BMPR1A: variants seen among roughly 807,000 people sequenced by gnomAD.
BMPR1A encodes the protein bone morphogenetic protein receptor type-1A.
BMPR1A carries 7 observed loss-of-function variants against 66.0 expected under a neutral mutation model. That is an observed-to-expected ratio of 0.11 (90% CI 0.06 to 0.20). The LOEUF (loss-of-function observed/expected upper bound fraction) is 0.20. Among genes scored for constraint, BMPR1A ranks in the 10% least tolerant of loss-of-function variants. The pLI, the probability that BMPR1A is intolerant of heterozygous loss-of-function variation, is 1.00. For missense variants in BMPR1A, 408 were observed against 669.1 expected, an observed-to-expected ratio of 0.61 and a Z score of 4.31; for synonymous variants, 200 against 229.7, an observed-to-expected ratio of 0.87 and a Z score of 1.17.
intron 1 of BMPR1A, among the ~76,000 whole-genome samples, chr10:86,780,373 AT>A (rs942112843): frequency 2.6e-5 from 4 of 151,794 alleles, no homozygotes; most frequent in African/African-American, 9.7e-5. Context: ...CCCATAAAAT[AT>A]TTTCCCAGAC....
chr10:86,841,261 A>G (rs778383116), intron 2 of BMPR1A, among the ~76,000 whole-genome samples: 12 of 152,260 alleles, frequency 7.9e-5, no homozygotes, highest in Non-Finnish European at 1.3e-4. Flanking sequence ...CATGAAAACA[A>G]TTATTGAAGT....
At chr10:86,811,595 C>G (rs573235718) in intron 1 of BMPR1A, among the ~76,000 whole-genome samples, 1 of 152,236 alleles carries the variant, frequency 6.6e-6, no homozygotes, top group Admixed American at 6.5e-5. Context: ...AAATTGGCAG[C>G]TACACCAAGA....
chr10:86,849,138 G>A (rs1842530559), intron 2 of BMPR1A, among the ~76,000 whole-genome samples: 1 of 152,176 alleles, frequency 6.6e-6, no homozygotes, highest in Non-Finnish European at 1.5e-5. Flanking sequence ...ACTAGCATTT[G>A]AGAATCTTAT....
At chr10:86,785,601 C>T (rs762159435) in intron 1 of BMPR1A, among the ~76,000 whole-genome samples, 85 of 152,284 alleles carry the variant, frequency 5.6e-4, no homozygotes, top group Admixed American at 2.0e-3. Flanking sequence ...TGCGCCCGGC[C>T]GGGTATAGTG....
intron 10 of BMPR1A, among the ~76,000 whole-genome samples, chr10:86,920,852 TTTTC>T (rs1843651553): frequency 7.0e-6 from 1 of 143,054 alleles, no homozygotes; most frequent in South Asian, 2.2e-4. Flanking sequence ...TTTCCTTTTC[TTTTC>T]TTTTTTTTTT....
intron 1 of BMPR1A, among the ~76,000 whole-genome samples, chr10:86,793,881 G>C (rs1242588765): frequency 6.6e-6 from 1 of 152,142 alleles, no homozygotes; most frequent in African/African-American, 2.4e-5. Context: ...TGGATTCTGT[G>C]CCTCTTACAG....
chr10:86,824,609 G>T (rs1197883756), intron 1 of BMPR1A, among the ~76,000 whole-genome samples: 2 of 152,166 alleles, frequency 1.3e-5, no homozygotes, highest in African/African-American at 4.8e-5. Flanking sequence ...GCATATTCGT[G>T]TACAAGGGAT....
intron 1 of BMPR1A, among the ~76,000 whole-genome samples, chr10:86,758,698 T>C (rs7072166): frequency 1.3e-5 from 2 of 152,170 alleles, no homozygotes; most frequent in Non-Finnish European, 2.9e-5. Flanking sequence ...TCTCTAGAGA[T>C]TGCCAAGTGT....
chr10:86,869,992 A>G (rs1355176752), intron 2 of BMPR1A, among the ~76,000 whole-genome samples: 1 of 152,184 alleles, frequency 6.6e-6, no homozygotes, highest in Non-Finnish European at 1.5e-5. Flanking sequence ...CACACAGCAA[A>G]TAAATACTGG....
At chr10:86,854,832 TA>T in intron 2 of BMPR1A, 1 of 251,096 alleles carries the variant, frequency 4.0e-6, no homozygotes. Flanking sequence ...TCTGAGCACC[TA>T]AAAGGTAAAG....
intron 1 of BMPR1A, among the ~76,000 whole-genome samples, chr10:86,764,569 T>C (rs1009226681): frequency 1.3e-5 from 2 of 152,256 alleles, no homozygotes; most frequent in Non-Finnish European, 2.9e-5. Flanking sequence ...TAAATATTTT[T>C]CCCTGTTTTC....
chr10:86,779,489 T>C (rs1456723432), intron 1 of BMPR1A, among the ~76,000 whole-genome samples: 3 of 152,232 alleles, frequency 2.0e-5, no homozygotes, highest in Non-Finnish European at 4.4e-5. Flanking sequence ...TGTTGAGATG[T>C]TTGAGTTACT....
chr10:86,826,287 T>C (rs910084900), intron 1 of BMPR1A, among the ~76,000 whole-genome samples: 1 of 152,146 alleles, frequency 6.6e-6, no homozygotes, highest in African/African-American at 2.4e-5. Flanking sequence ...TTTCATTTAT[T>C]TTCTTCCCCA....
intron 1 of BMPR1A, among the ~76,000 whole-genome samples, chr10:86,823,153 T>C (rs1249275545): frequency 2.0e-5 from 3 of 152,256 alleles, no homozygotes; most frequent in African/African-American, 4.8e-5. Flanking sequence ...TATTAAATAA[T>C]GGAAGGTGTT....
At chr10:86,929,901 CAGTA>C (rs1368092586), downstream of BMPR1A, 1 of 152,254 alleles carries the variant, frequency 6.6e-6, no homozygotes, top group Non-Finnish European at 1.5e-5. Context: ...TTCAAGCAGA[CAGTA>C]AGTCAGTTAC....
chr10:86,766,729 C>T lies in BMPR1A; in HGVS notation c.-268+9810C>T, dbSNP rs780204047. Among the ~76,000 whole-genome samples the T allele has an allele frequency of 2.0e-5, 3 of 150,884 alleles. No homozygotes were observed. The South Asian group carries it at 6.2e-4, about 31-fold the overall frequency. Reference sequence around the variant, plus strand: ...CTCCTGGGTTCATGCCATTCTCCTGCCTCAGCCTCCCGAGTACAGGCGCCC... The same window carrying T: ...CTCCTGGGTTCATGCCATTCTCCTGTCTCAGCCTCCCGAGTACAGGCGCCC... On this transcript the variant is annotated intron_variant, in intron 1 of 12. Transcript: ENST00000372037.
chr10:86,799,506 C>CTTCCTTCCTTTCTTTTCT (rs1354339570), intron 1 of BMPR1A, among the ~76,000 whole-genome samples: 6 of 64,480 alleles, frequency 9.3e-5, no homozygotes, highest in Admixed American at 1.7e-4. Flanking sequence ...TCCTTCCTTC[C>CTTCCTTCCTTTCTTTTCT]TTTCTTTTCT....
chr10:86,888,138 A>G (rs1843094453), intron 3 of BMPR1A, among the ~76,000 whole-genome samples: 1 of 149,724 alleles, frequency 6.7e-6, no homozygotes. Context: ...GTATGTACAC[A>G]AACTTCCAGC....
chr10:86,762,420 G>C lies in BMPR1A; in HGVS notation c.-268+5501G>C, dbSNP rs1321558877. ...GTTTCCCAGGCTGGAGTGCAGTGGT[G>C]CGATCTGGGCTCACTGCAACCTCCG... is the stretch of plus-strand genomic sequence containing the variant. On this transcript the variant is annotated intron_variant, in intron 1 of 12. Transcript: ENST00000372037. Among the ~76,000 whole-genome samples the C allele has an allele frequency of 2.6e-5, 4 of 152,138 alleles. No homozygotes were observed. In the East Asian group the frequency reaches 7.7e-4, roughly 29 times the overall value.
Sources: allele counts gnomAD v4.1 joint callset (sites outside exome capture counted in the v4.1 genomes callset), GRCh38; gene constraint gnomAD v4.1.1; transcripts MANE v1.5; gene names NCBI Gene and HGNC (gene_info 2026-07-23, HGNC 2026-07-21).